Variants in ZNF638 observed in about 807,000 individuals in gnomAD.
ZNF638 encodes the protein zinc finger protein 638.
ZNF638 carries 46 observed loss-of-function variants against 195.6 expected under a neutral mutation model. That is an observed-to-expected ratio of 0.24 (90% CI 0.19 to 0.30). The LOEUF (loss-of-function observed/expected upper bound fraction) is 0.30, where lower values mean the gene tolerates loss of function less well. Ranked by LOEUF, ZNF638 falls within the 10% of genes least tolerant of loss-of-function variation. The probability of loss-of-function intolerance (pLI) is 1.00; values close to 1 mark genes in which losing one functional copy is unlikely to be tolerated. For missense variants in ZNF638, 2,440 were observed against 2,325.3 expected (o/e 1.05, Z -1.01); for synonymous variants, 845 against 772.0 (o/e 1.09, Z -1.57).
At chr2:71,367,146 A>G (rs555666427) in intron 6 of ZNF638, among the ~76,000 whole-genome samples, 2 of 152,198 alleles carry the variant, frequency 1.3e-5, no homozygotes, top group South Asian at 4.2e-4. Flanking sequence ...ATTTTTGAGT[A>G]TAGGGAAAAT....
At chr2:71,336,098 A>T (rs1319925139) in intron 1 of ZNF638, among the ~76,000 whole-genome samples, 1 of 152,208 alleles carries the variant, frequency 6.6e-6, no homozygotes, top group Non-Finnish European at 1.5e-5. Flanking sequence ...AGGCCGGGGC[A>T]CGGTGGCTCA....
At chr2:71,342,072 A>T (rs887262519) in intron 1 of ZNF638, among the ~76,000 whole-genome samples, 3 of 152,140 alleles carry the variant, frequency 2.0e-5, no homozygotes, top group African/African-American at 7.2e-5. Context: ...CAAAATATCA[A>T]ACTGTTTAGT....
At chr2:71,334,132 A>G (rs1225964785) in intron 1 of ZNF638, among the ~76,000 whole-genome samples, 1 of 152,152 alleles carries the variant, frequency 6.6e-6, no homozygotes, top group Non-Finnish European at 1.5e-5. Flanking sequence ...TAGTCTTTGT[A>G]TCTTTCCCAG....
rs1246305418 is a variant in ZNF638, at chr2:71,427,318, A to C, written c.5449A>C (p.Lys1817Gln). 6.2e-7 allele frequency: 1 copy of C among 1,611,318 alleles called. No individual in the cohort carries two copies. Among genetic ancestry groups the C allele is most frequent in the South Asian group, 1.1e-5 (1 of 90,376 alleles). Residue 1817 changes from lysine (K) to glutamine (Q), a missense_variant, in exon 24 of 28, where the codon AAA (lysine) becomes CAA (glutamine). This residue lies in a region of ZNF638 where 1,883 missense variants were observed against 1,739.1 expected (regional missense o/e 1.08). Transcript: ENST00000264447. ...GNRKKRAVDT[K>Q]KTKLESLSQV... ...TAGAAAGAAGAGAGCTGTGGACACA[A>C]AAAAGACAAAACTTGAATCCTTGTC... is the stretch of plus-strand genomic sequence containing the variant.
rs1308575307 is a variant in ZNF638 at position 71,369,965 on chromosome 2, A to G, written c.2225A>G (p.Lys742Arg). The G allele has an allele frequency of 7.5e-6, 12 of 1,597,984 alleles. No individual in the cohort carries two copies. The highest frequency in any genetic ancestry group is 1.0e-5 in the Non-Finnish European group (12 of 1,175,322). ...ACAACACCTCTTACGATAAAAGGAA[A>G]AAGTGTGAAAATATGTGTTCCAGGA... Reference protein sequence around the residue: ...IETTPLTIKGKSVKICVPGKK... With the variant: ...IETTPLTIKGRSVKICVPGKK... Residue 742 changes from lysine to arginine, a missense_variant, in exon 8 of 28, where the codon AAA becomes AGA. Coordinates refer to ENST00000264447, the MANE Select transcript of ZNF638 (RefSeq NM_014497.5).
chr2:71,349,332 G>C lies in ZNF638; in HGVS notation c.378G>C (p.Glu126Asp). 1 of 1,614,176 alleles carries C rather than the reference G, an allele frequency of 6.2e-7. No homozygotes were observed. The highest frequency in any genetic ancestry group is 8.5e-7 in the Non-Finnish European group (1 of 1,180,040). Residue 126 changes from glutamate to aspartate, a missense_variant, in exon 2 of 28, where the codon GAG (glutamate) becomes GAC (aspartate). Transcript: ENST00000264447. The part of the protein sequence containing the change: ...VKQSSVTQVT[E>D]QSPKVQSRYT... ...AGAGTTCTGTAACACAGGTTACAGA[G>C]CAGAGTCCCAAAGTACAGAGCCGCT...
chr2:71,431,980 T>G (rs2152609991), intron 26 of ZNF638, among the ~76,000 whole-genome samples: 1 of 152,316 alleles, frequency 6.6e-6, no homozygotes, highest in African/African-American at 2.4e-5. Flanking sequence ...TGGTGCTTTC[T>G]TTGCCACTCT....
At chr2:71,365,731 T>C in intron 6 of ZNF638, 25 bp downstream of exon 6, 1 of 1,561,970 alleles carries the variant, frequency 6.4e-7, no homozygotes. Context: ...AATAATTATT[T>C]TTAGAGATAA....
intron 15 of ZNF638, among the ~76,000 whole-genome samples, chr2:71,400,836 T>C (rs765466737): frequency 2.0e-5 from 3 of 152,162 alleles, no homozygotes; most frequent in Non-Finnish European, 2.9e-5. Context: ...ATCAGTAGAA[T>C]TTTGTGAAGT....
At chr2:71,394,276 C>T (rs548319286) in intron 10 of ZNF638, among the ~76,000 whole-genome samples, 2 of 152,204 alleles carry the variant, frequency 1.3e-5, no homozygotes, top group African/African-American at 4.8e-5. Context: ...TATCCCAGAC[C>T]CCAAGTAGAG....
intron 20 of ZNF638, among the ~76,000 whole-genome samples, chr2:71,410,043 T>C (rs1338118929): frequency 1.3e-5 from 2 of 152,230 alleles, no homozygotes; most frequent in Non-Finnish European, 2.9e-5. Flanking sequence ...ATTCTGTGCT[T>C]AGGCTATTTT....
At chr2:71,424,089 C>A (rs367853830) in intron 22 of ZNF638, 51 bp downstream of exon 22, 1 of 1,568,444 alleles carries the variant, frequency 6.4e-7, no homozygotes, top group Non-Finnish European at 8.6e-7. Flanking sequence ...TGATTAGCTC[C>A]GCTGCTGTAG....
intron 27 of ZNF638, chr2:71,433,525 C>G (rs1191995879): frequency 2.2e-5 from 8 of 360,018 alleles, no homozygotes; most frequent in Non-Finnish European, 4.0e-5. Flanking sequence ...ATATGACACT[C>G]CATTATTAAA....
chr2:71,398,712 A>G lies in ZNF638; in HGVS notation c.2440A>G (p.Ser814Gly). The change falls in exon 12 of 28, where the codon AGT (serine) becomes GGT (glycine). Residue 814 changes from serine to glycine, a missense_variant. Around this residue, in one of 5 missense-constraint regions of ZNF638, gnomAD observed 1,883 missense variants for 1,739.1 expected, o/e 1.08. Coordinates refer to ENST00000264447, the MANE Select transcript of ZNF638 (RefSeq NM_014497.5). ...CTTTTGTGATTTAGGGAAATCAGCA[A>G]GTTCTGTAAAATCTGTGGTAACGGT... ...KVNKSTGKSA[S>G]SVKSVVTVAV... 1 of 1,613,388 alleles carries G rather than the reference A, an allele frequency of 6.2e-7. No homozygotes were observed. The highest frequency in any genetic ancestry group is 1.3e-5 in the African/African-American group (1 of 75,022).
At chr2:71,402,276 A>G (rs1229860101) in intron 16 of ZNF638, among the ~76,000 whole-genome samples, 189 bp downstream of exon 16, 1 of 152,210 alleles carries the variant, frequency 6.6e-6, no homozygotes, top group African/African-American at 2.4e-5. Context: ...ACATAGTTTT[A>G]ATGATGGGGA....
chr2:71,369,322 CAAAAAAA>C lies in ZNF638; in HGVS notation c.2143-547_2143-541del, dbSNP rs34506232. 8.1e-5 allele frequency among the ~76,000 whole-genome samples: 8 copies of C among 99,016 alleles called. No homozygotes were observed. The East Asian group carries it at 1.1e-3, about 13-fold the overall frequency. 65.0% of individuals were successfully genotyped at this position (99,016 alleles called of 152,430 possible). ...TGGGCAACAGAGTAAGGCTCCGTCT[CAAAAAAA>C]AAAAAAAAAAAAAGTTTTGTGAGTT... On this transcript the variant is annotated intron_variant, in intron 7 of 27. Coordinates refer to ENST00000264447, the MANE Select transcript of ZNF638 (RefSeq NM_014497.5).
intron 1 of ZNF638, among the ~76,000 whole-genome samples, 159 bp downstream of exon 1, chr2:71,332,034 G>A (rs1222908560): frequency 1.3e-5 from 2 of 152,146 alleles, no homozygotes; most frequent in African/African-American, 4.8e-5. Flanking sequence ...GCGGGAGGAG[G>A]TTGGGGGACC....
chr2:71,367,851 T>C (rs370944817), intron 6 of ZNF638, among the ~76,000 whole-genome samples: 12 of 152,146 alleles, frequency 7.9e-5, no homozygotes, highest in Admixed American at 4.6e-4. Context: ...GATACAGGCA[T>C]GAGCCACCAT....
At chr2:71,386,293 CAAAAA>C (rs58219651) in intron 10 of ZNF638, among the ~76,000 whole-genome samples, 103 of 85,192 alleles carry the variant, frequency 1.2e-3, no homozygotes, top group African/African-American at 3.5e-3. Context: ...GACCTTGTCT[CAAAAA>C]AAAAAAAAAA....
Sources: allele counts gnomAD v4.1 joint callset (sites outside exome capture counted in the v4.1 genomes callset), GRCh38; gene constraint gnomAD v4.1.1; regional missense constraint gnomAD v4.1.1; transcripts MANE v1.5; gene names NCBI Gene and HGNC (gene_info 2026-07-23, HGNC 2026-07-21).